The following NR4A1 variants were observed in gnomAD, a reference collection of about 807,000 sequenced individuals.
The protein encoded by NR4A1 is nuclear receptor subfamily 4immunitygroup A member 1.
NR4A1 carries 24 observed loss-of-function variants against 47.5 expected under a neutral mutation model. The ratio of observed to expected loss-of-function variants is 0.50; its 90% CI spans 0.37 to 0.71. The LOEUF (loss-of-function observed/expected upper bound fraction) is 0.71, where lower values mean the gene tolerates loss of function less well. Among genes scored for constraint, NR4A1 ranks in the 30% least tolerant of loss-of-function variants. The pLI is 0.00. For missense variants in NR4A1, 669 were observed against 788.6 expected, an observed-to-expected ratio of 0.85 and a Z score of 1.82; for synonymous variants, 353 against 345.7, an observed-to-expected ratio of 1.02 and a Z score of -0.24.
upstream of NR4A1, among the ~76,000 whole-genome samples, chr12:52,047,977 A>G (rs564703951): frequency 4.0e-5 from 6 of 151,390 alleles, no homozygotes; most frequent in Non-Finnish European, 8.8e-5. Flanking sequence ...ACACGGTGAA[A>G]CCCCGTCTCT....
rs184338545 is a variant in NR4A1 at position 52,025,554 on chromosome 12, G to T, written c.-84+2615G>T. On this transcript the variant is annotated intron_variant, in intron 1 of 7. Transcript: ENST00000360284. ...CGCAGAAGCCGTCTCTGGCCGTTCC[G>T]TATCGCTAGCGCCCTCTATCATTCG... Among the ~76,000 whole-genome samples the T allele has an allele frequency of 1.1e-3, 164 of 152,252 alleles. 1 individual carries two copies. Among genetic ancestry groups the T allele is most frequent in the Admixed American group, 2.5e-3 (39 of 15,302 alleles).
upstream of NR4A1, among the ~76,000 whole-genome samples, chr12:52,047,323 C>T (rs762994415): frequency 6.6e-6 from 1 of 152,204 alleles, no homozygotes; most frequent in African/African-American, 2.4e-5. Context: ...CAAAGTTCCA[C>T]TAGCTGGACC....
chr12:52,048,794 G>T (rs1938781320), upstream of NR4A1, among the ~76,000 whole-genome samples: 3 of 151,984 alleles, frequency 2.0e-5, no homozygotes, highest in South Asian at 6.2e-4. Context: ...AAAATGGGAG[G>T]ACTTGAATTC....
chr12:52,030,859 G>T (rs1020444071), intron 1 of NR4A1, among the ~76,000 whole-genome samples: 10 of 152,314 alleles, frequency 6.6e-5, no homozygotes, highest in African/African-American at 2.4e-4. Context: ...GGATTGGGCT[G>T]AGTGCTCCTC....
At chr12:52,052,993 G>C (rs570601625) in intron 1 of NR4A1, among the ~76,000 whole-genome samples, 2 of 152,284 alleles carry the variant, frequency 1.3e-5, no homozygotes, top group South Asian at 4.1e-4. Context: ...TAGAAGGAAG[G>C]CTAGGACCAG....
upstream of NR4A1, among the ~76,000 whole-genome samples, chr12:52,047,687 C>T (rs952696422): frequency 1.3e-5 from 2 of 152,222 alleles, no homozygotes; most frequent in African/African-American, 4.8e-5. Context: ...GATCTGGAGG[C>T]TAGATGCTGA....
At chr12:52,052,414 A>C in intron 1 of NR4A1, 1 of 916,608 alleles carries the variant, frequency 1.1e-6, no homozygotes. Context: ...TGCTGCCTAG[A>C]GGATACCTCC....
rs769287494 is a variant in NR4A1, at chr12:52,058,691, G to A, written c.1544G>A (p.Arg515Gln). The A allele has an allele frequency of 2.5e-6, 4 of 1,602,864 alleles. No individual in the cohort carries two copies. The highest frequency in any genetic ancestry group is 2.3e-5 in the East Asian group (1 of 44,336). ...TAATCCTGTACCCTTCCCGCAGACC[G>A]GCATGGGCTGCAGGAGCCGCGGCGG... ...CLSALVLITD[R>Q]HGLQEPRRVE... Residue 515 changes from arginine (R) to glutamine (Q), a missense_variant, in exon 7 of 7, where the codon CGG (arginine) becomes CAG (glutamine). Arg to Gln is a conservative substitution (Grantham distance 43). Transcript: ENST00000394825.
At chr12:52,039,753 A>C (rs148840639) in intron 1 of NR4A1, among the ~76,000 whole-genome samples, 39 of 152,364 alleles carry the variant, frequency 2.6e-4, no homozygotes, top group African/African-American at 8.9e-4. Flanking sequence ...ACCAGTGAAC[A>C]GATGTGAACA....
At chr12:52,051,136 G>C (rs1368092577), upstream of NR4A1, among the ~76,000 whole-genome samples, 2 of 152,220 alleles carry the variant, frequency 1.3e-5, no homozygotes, top group Non-Finnish European at 2.9e-5. Flanking sequence ...TAGTGGGCCT[G>C]GGAGCTGCTA....
intron 1 of NR4A1, among the ~76,000 whole-genome samples, chr12:52,023,091 C>T (rs1327087641): frequency 1.3e-5 from 2 of 152,204 alleles, no homozygotes; most frequent in Non-Finnish European, 2.9e-5. Context: ...GGATCCCTGC[C>T]GGAGTCTGCT....
intron 2 of NR4A1, chr12:52,043,436 A>T: frequency 4.4e-6 from 1 of 227,906 alleles, no homozygotes; most frequent in African/African-American, 2.3e-5. Context: ...TGGAACTCCC[A>T]TGCCAGATAT....
chr12:52,043,707 G>A (rs2242107), intron 2 of NR4A1: 404,489 of 1,261,206 alleles, frequency 0.32, 71,339 homozygotes, highest in African/African-American at 0.62. Flanking sequence ...AGGACACGCC[G>A]GCTTGGAGGC....
At chr12:52,030,109 G>A (rs1419823948) in intron 1 of NR4A1, among the ~76,000 whole-genome samples, 1 of 152,232 alleles carries the variant, frequency 6.6e-6, no homozygotes, top group Non-Finnish European at 1.5e-5. Flanking sequence ...GGCAGGGTGT[G>A]GGCACAGGCA....
Position 52,054,730 on chromosome 12 carries a change from C to A in NR4A1, c.402C>A (p.Ser134Arg). 1 of 1,613,096 alleles carries A rather than the reference C, an allele frequency of 6.2e-7. No homozygotes were observed. The highest frequency in any genetic ancestry group is 2.2e-5 in the East Asian group (1 of 44,888). The change falls in exon 2 of 7, where the codon AGC (serine) becomes AGA (arginine). Residue 134 changes from serine to arginine, a missense_variant. By Grantham distance (110) the Ser-to-Arg change is moderately radical. Transcript: ENST00000394825. ...LSSSGSDYYG[S>R]PCSAPSPSTP... ...CCAGTGGCTCTGACTACTATGGCAGCCCCTGCTCGGCCCCGTCGCCCTCCA... is the reference window on the plus strand; with the variant it reads ...CCAGTGGCTCTGACTACTATGGCAGACCCTGCTCGGCCCCGTCGCCCTCCA...
At chr12:52,057,877 A>G (rs1235678285) in intron 6 of NR4A1, among the ~76,000 whole-genome samples, 2 of 152,214 alleles carry the variant, frequency 1.3e-5, no homozygotes, top group Non-Finnish European at 2.9e-5. Flanking sequence ...CATAAACCGC[A>G]CTTACCCAAC....
chr12:52,043,011 A>G (rs980543130), intron 2 of NR4A1, among the ~76,000 whole-genome samples: 3 of 152,032 alleles, frequency 2.0e-5, no homozygotes, highest in Non-Finnish European at 2.9e-5. Flanking sequence ...GGGTGCAGAG[A>G]GCCCCAGAGA....
intron 2 of NR4A1, chr12:52,041,936 GCT>G: frequency 7.0e-7 from 1 of 1,422,200 alleles, no homozygotes; most frequent in Non-Finnish European, 9.2e-7. Context: ...AGTGGTAAGT[GCT>G]CTGCTATTGT....
chr12:52,027,905 A>C (rs1424994506), intron 1 of NR4A1, among the ~76,000 whole-genome samples: 1 of 152,074 alleles, frequency 6.6e-6, no homozygotes, highest in African/African-American at 2.4e-5. Context: ...ATATGTTAAG[A>C]ATTATTATTA....
Sources: gnomAD v4.1 joint callset for allele counts (sites outside exome capture counted in the v4.1 genomes callset) on GRCh38, gnomAD v4.1.1 for gene constraint, MANE v1.5 for transcripts, NCBI Gene and HGNC (gene_info 2026-07-23, HGNC 2026-07-21) for gene names.